ZNF600: variants seen among roughly 807,000 people sequenced by gnomAD.
ZNF600 encodes zinc finger protein 600.
ZNF600 carries 4 observed loss-of-function variants against 7.3 expected under a neutral mutation model. The observed-to-expected ratio is 0.55, with a 90% CI of 0.27 to 1.25. ZNF600 has a LOEUF of 1.25. Ranked by LOEUF, ZNF600 falls within the 50% of genes most tolerant of loss-of-function variation. The probability of loss-of-function intolerance (pLI) is 0.12; values close to 1 mark genes in which losing one functional copy is unlikely to be tolerated. For missense variants in ZNF600, 911 were observed against 922.1 expected (o/e 0.99, Z 0.16); for synonymous variants, 290 against 308.9 (o/e 0.94, Z 0.64).
the ZNF600 span, among the ~76,000 whole-genome samples, chr19:52,816,665 A>C: frequency 2.2e-5 from 2 of 89,404 alleles, no homozygotes; most frequent in Non-Finnish European, 5.8e-5. Flanking sequence ...ACATCATCTC[A>C]AAAAAAGAAA....
At chr19:52,794,888 A>G in the ZNF600 span, among the ~76,000 whole-genome samples, 1 of 152,148 alleles carries the variant, frequency 6.6e-6, no homozygotes, top group Non-Finnish European at 1.5e-5. Flanking sequence ...GGACCATTCT[A>G]TATACCTGAG....
At chr19:52,767,533 G>T (rs777257476) in exon 4 of ZNF600, 15 of 1,614,028 alleles carry the variant, frequency 9.3e-6, no homozygotes, top group Non-Finnish European at 1.2e-5. Flanking sequence ...GCATGCCTGT[G>T]ATCATGTTGG....
At chr19:52,781,992 C>T (rs773122508) in intron 1 of ZNF600, among the ~76,000 whole-genome samples, 2 of 151,924 alleles carry the variant, frequency 1.3e-5, no homozygotes, top group South Asian at 2.1e-4. Context: ...CCCCGGGAGG[C>T]GGAGTTTGCA....
chr19:52,799,457 A>G, the ZNF600 span: 1 of 840,644 alleles, frequency 1.2e-6, no homozygotes, highest in South Asian at 1.7e-5. Flanking sequence ...CTGCAGTATG[A>G]ATTCTATGAT....
chr19:52,771,044 G>C (rs9749509), intron 3 of ZNF600, among the ~76,000 whole-genome samples: 3,467 of 152,152 alleles, frequency 0.023, 150 homozygotes, highest in African/African-American at 0.077. Flanking sequence ...TGTTGGTCAG[G>C]CTCGTTTCAA....
intron 3 of ZNF600, among the ~76,000 whole-genome samples, chr19:52,772,085 G>T (rs556306590): frequency 1.1e-4 from 16 of 152,292 alleles, no homozygotes; most frequent in Admixed American, 1.0e-3. Flanking sequence ...AAAGCAGGTG[G>T]ACGAATCACC....
At chr19:52,785,256 T>G (rs1194787332) in intron 1 of ZNF600, among the ~76,000 whole-genome samples, 1 of 151,942 alleles carries the variant, frequency 6.6e-6, no homozygotes, top group African/African-American at 2.4e-5. Flanking sequence ...TTTTTTTTTT[T>G]TCCTTTTTGA....
chr19:52,831,826 T>G, the ZNF600 span, among the ~76,000 whole-genome samples: 2 of 151,960 alleles, frequency 1.3e-5, no homozygotes, highest in Non-Finnish European at 2.9e-5. Context: ...TTTTAGTAGA[T>G]ACAGGGTTTC....
chr19:52,765,731 A>C (rs752221046), exon 4 of ZNF600: 1 of 1,613,674 alleles, frequency 6.2e-7, no homozygotes, highest in Admixed American at 1.7e-5. Flanking sequence ...AATCACTCCC[A>C]AAAGTCTTGT....
At chr19:52,812,986 T>C in the ZNF600 span, among the ~76,000 whole-genome samples, 2 of 151,330 alleles carry the variant, frequency 1.3e-5, no homozygotes, top group Non-Finnish European at 2.9e-5. Context: ...TAATGCTTAG[T>C]AATAAAGTTA....
chr19:52,778,974 A>G lies in ZNF600; in HGVS notation c.-19-67T>C, dbSNP rs2062698759. The G allele has an allele frequency of 1.0e-5, 15 of 1,455,336 alleles. No homozygotes were observed. In the Middle Eastern group the frequency reaches 5.4e-4, roughly 53 times the overall value. 90.2% of individuals were successfully genotyped at this position (1,455,336 alleles called of 1,614,324 possible). On this transcript the variant is annotated intron_variant, in intron 1 of 3. Coordinates refer to ENST00000648973, the Ensembl canonical transcript of ZNF600. The stretch of plus-strand genomic sequence containing the variant: ...CACTCCCATCCTGTGACAAAACCAC[A>G]TGAACAGGGGAGACCTCACCCAGCA...
chr19:52,832,450 T>A, the ZNF600 span, among the ~76,000 whole-genome samples: 2 of 151,490 alleles, frequency 1.3e-5, no homozygotes, highest in Non-Finnish European at 2.9e-5. Context: ...GAAAAATTAG[T>A]CAGGCAAGGT....
chr19:52,795,242 T>C, the ZNF600 span, among the ~76,000 whole-genome samples: 1 of 152,166 alleles, frequency 6.6e-6, no homozygotes, highest in South Asian at 2.1e-4. Flanking sequence ...AATGGAATAA[T>C]AGGCTACATG....
chr19:52,776,668 C>T (rs570898352), intron 2 of ZNF600, among the ~76,000 whole-genome samples: 6 of 151,964 alleles, frequency 3.9e-5, no homozygotes, highest in Middle Eastern at 3.4e-3. Context: ...CCTCAGCCTT[C>T]CAAATGAAAA....
intron 2 of ZNF600, 130 bp downstream of exon 4, chr19:52,778,696 G>A: frequency 1.6e-6 from 2 of 1,262,374 alleles, no homozygotes; most frequent in Non-Finnish European, 2.2e-6. Flanking sequence ...GGAACTAAGG[G>A]CAGGCATGGC....
exon 4 of ZNF600, chr19:52,767,667 C>T: frequency 6.2e-7 from 1 of 1,614,118 alleles, no homozygotes; most frequent in East Asian, 2.2e-5. Flanking sequence ...GCAAAAATCT[C>T]CAATGTGATA....
chr19:52,766,107 C>A, exon 4 of ZNF600: 1 of 1,614,114 alleles, frequency 6.2e-7, no homozygotes, highest in Non-Finnish European at 8.5e-7. Flanking sequence ...AGGTTTCTCA[C>A]CACTATGAAG....
chr19:52,785,284 G>C (rs2062754738), intron 1 of ZNF600, among the ~76,000 whole-genome samples: 1 of 145,924 alleles, frequency 6.9e-6, no homozygotes, highest in Non-Finnish European at 1.5e-5. Flanking sequence ...TTTCACTCTT[G>C]TTGTGCAGGC....
chr19:52,802,384 AAAC>A, the ZNF600 span, among the ~76,000 whole-genome samples: 10 of 32,394 alleles, frequency 3.1e-4, no homozygotes, highest in East Asian at 1.2e-3. Flanking sequence ...ACAAAAAAAC[AAAC>A]AACAAAAAAA....
Sources: allele counts gnomAD v4.1 joint callset (sites outside exome capture counted in the v4.1 genomes callset), GRCh38; gene constraint gnomAD v4.1.1; transcripts MANE v1.5; gene names NCBI Gene and HGNC (gene_info 2026-07-23, HGNC 2026-07-21).